AMPD1: variants seen among roughly 807,000 people sequenced by gnomAD.
The protein encoded by AMPD1 is AMP deaminase 1.
AMPD1 carries 74 observed loss-of-function variants against 82.9 expected under a neutral mutation model. The ratio of observed to expected loss-of-function variants is 0.89; its 90% confidence interval spans 0.74 to 1.08. The LOEUF (loss-of-function observed/expected upper bound fraction) is 1.08. Among genes scored for constraint, AMPD1 ranks in the 50% least tolerant of loss-of-function variants. AMPD1 has a pLI of 0.00. For missense variants in AMPD1, 881 were observed against 924.5 expected (o/e 0.95, Z 0.61); for synonymous variants, 333 against 320.5 (o/e 1.04, Z -0.42).
At chr1:114,694,384 C>T (rs867982442) in intron 1 of AMPD1, among the ~76,000 whole-genome samples, 1 of 151,874 alleles carries the variant, frequency 6.6e-6, no homozygotes, top group South Asian at 2.1e-4. Context: ...TAAGCCAAAA[C>T]ATTATCCTGC....
intron 2 of AMPD1, among the ~76,000 whole-genome samples, chr1:114,690,314 A>G (rs1450280714): frequency 6.6e-6 from 1 of 152,228 alleles, no homozygotes; most frequent in Non-Finnish European, 1.5e-5. Context: ...AAGACAAATA[A>G]AGCACCAGAT....
At chr1:114,686,632 G>A (rs1658325392) in intron 4 of AMPD1, 113 bp downstream of exon 4, 18 of 1,099,988 alleles carry the variant, frequency 1.6e-5, no homozygotes, top group Non-Finnish European at 2.5e-5. Context: ...GTGTAACAAA[G>A]GACAGGTGAG....
At chr1:114,678,148 T>A in intron 8 of AMPD1, 107 bp from the exon 9 acceptor site, 3 of 1,504,242 alleles carry the variant, frequency 2.0e-6, no homozygotes, top group East Asian at 2.3e-5. Context: ...GGGGAGGGCA[T>A]TGGGCTCCAA....
In AMPD1 at chr1:114,678,046, A is replaced by G. The variant is rs765669377; in HGVS notation, c.1093-5T>C. 11 of 1,613,888 alleles carry G rather than the reference A, an allele frequency of 6.8e-6. No individual in the cohort carries two copies. The Admixed American group carries it at 1.5e-4, about 22-fold the overall frequency. On this transcript the variant is annotated splice_region_variant and splice_polypyrimidine_tract_variant and intron_variant, in intron 8 of 15. Transcript: ENST00000520113. ...ACGCTGGAAGGTCTGGCGTCCCTGA[A>G]TCAGGAAAAAAGAGCAGAGATGTAT...
At chr1:114,686,090 T>C (rs886676955) in intron 4 of AMPD1, among the ~76,000 whole-genome samples, 2 of 152,222 alleles carry the variant, frequency 1.3e-5, no homozygotes, top group Admixed American at 1.3e-4. Context: ...GCAGGTCAAG[T>C]TGTTTGTGAC....
chr1:114,673,805 C>A, intron 14 of AMPD1, 56 bp from the exon 15 acceptor site: 2 of 1,576,812 alleles, frequency 1.3e-6, no homozygotes, highest in Non-Finnish European at 1.7e-6. Flanking sequence ...TAATATGCAT[C>A]CTGCCTGAAA....
chr1:114,677,374 C>T lies in AMPD1; in HGVS notation c.1365G>A (p.Trp455Ter), dbSNP rs1447749222. The T allele has an allele frequency of 5.0e-6, 8 of 1,610,144 alleles. No homozygotes were observed. The highest frequency in any genetic ancestry group is 6.8e-6 in the Non-Finnish European group (8 of 1,179,222). The change falls in exon 10 of 16, where the codon TGG (tryptophan) becomes TGA (stop). Residue 455 changes from tryptophan (W) to a stop codon, truncating the protein, a stop_gained. Coordinates refer to ENST00000520113, the MANE Select transcript of AMPD1 (RefSeq NM_000036.3). LOFTEE classifies it high-confidence loss of function. ...CNRIHCPNMTWMIQVPRIYDV... is the reference protein window; with the variant it reads ...CNRIHCPNMT ...ACTAGATCCTGGGAACCTGGATCATCCATGTCATGTTGGGGCAGTGGATGC... is the reference window on the plus strand; with the variant it reads ...ACTAGATCCTGGGAACCTGGATCATTCATGTCATGTTGGGGCAGTGGATGC...
At position 114,677,962 on chromosome 1, in the gene AMPD1, T is replaced by C. The variant is rs1439236581; in HGVS notation, c.1172A>G (p.Tyr391Cys). ...ATTAATGTAATTGTCTGTCTTCAAGTAGAGGTCCCGTAGCTCACTTGCTCC... is the reference window on the plus strand; with the variant it reads ...ATTAATGTAATTGTCTGTCTTCAAGCAGAGGTCCCGTAGCTCACTTGCTCC... Reference protein sequence around the residue: ...PVGASELRDLYLKTDNYINGE... With the variant: ...PVGASELRDLCLKTDNYINGE... Residue 391 changes from tyrosine to cysteine, a missense_variant, in exon 9 of 16, where the codon TAC (tyrosine) becomes TGC (cysteine). Physicochemically the swap from Tyr to Cys is radical, Grantham distance 194. This residue lies in a region of AMPD1 where 783 missense variants were observed against 786.4 expected (regional missense o/e 1.00). Coordinates refer to ENST00000520113, the MANE Select transcript of AMPD1 (RefSeq NM_000036.3). The C allele has an allele frequency of 6.2e-7, 1 of 1,613,974 alleles. No individual in the cohort carries two copies. Among genetic ancestry groups the C allele is most frequent in the South Asian group, 1.1e-5 (1 of 91,066 alleles).
chr1:114,678,396 T>C lies in AMPD1; in HGVS notation c.1029A>G (p.Glu343=). ...GATGCATTTTTAATTTAGCAAAAAG[T>C]TCCTTTAGGGTCAGATTCTTCTCTT... ...STKEKNLTLK[E]LFAKLKMHPY... is the part of the protein sequence containing the mutation. The change falls in exon 8 of 16, where the codon GAA becomes GAG. Residue 343 remains glutamate, a synonymous_variant. Coordinates refer to ENST00000520113, the MANE Select transcript of AMPD1 (RefSeq NM_000036.3). 1 of 1,614,190 alleles carries C rather than the reference T, an allele frequency of 6.2e-7. No homozygotes were observed.
intron 1 of AMPD1, 98 bp from the exon 2 acceptor site, chr1:114,693,545 G>A (rs1658583183): frequency 2.7e-6 from 3 of 1,101,050 alleles, no homozygotes; most frequent in African/African-American, 3.1e-5. Flanking sequence ...CATGTAGATT[G>A]CTGTTATTTC....
chr1:114,684,149 T>C (rs577863475), intron 5 of AMPD1, 50 bp downstream of exon 5: 23 of 1,544,598 alleles, frequency 1.5e-5, no homozygotes, highest in Admixed American at 5.1e-5. Context: ...ATTTAATATT[T>C]AGTAGTTTAA....
At chr1:114,681,789 G>A (rs1048132512) in intron 5 of AMPD1, among the ~76,000 whole-genome samples, 6 of 152,054 alleles carry the variant, frequency 3.9e-5, no homozygotes, top group African/African-American at 4.8e-5. Context: ...CAAAGCCTAT[G>A]GGTTTTGGCA....
chr1:114,677,287 A>C, intron 10 of AMPD1, 64 bp downstream of exon 10: 1 of 1,594,034 alleles, frequency 6.3e-7, no homozygotes, highest in Non-Finnish European at 8.6e-7. Flanking sequence ...CCTTGTTCAT[A>C]CAGGGGACTT....
At chr1:114,688,217 T>A (rs2101723630) in intron 3 of AMPD1, among the ~76,000 whole-genome samples, 1 of 152,196 alleles carries the variant, frequency 6.6e-6, no homozygotes, top group African/African-American at 2.4e-5. Context: ...AACCTCCACC[T>A]CCCAGGTTCA....
chr1:114,693,830 A>G (rs1658593501), intron 1 of AMPD1, among the ~76,000 whole-genome samples: 1 of 152,256 alleles, frequency 6.6e-6, no homozygotes, highest in African/African-American at 2.4e-5. Context: ...CTGAGAAGCT[A>G]TCCTACGGAA....
Position 114,688,705 on chromosome 1 carries a change from A to G in AMPD1, c.71T>C (p.Val24Ala), listed in dbSNP as rs1179266912. 2 of 1,614,200 alleles carry G rather than the reference A, an allele frequency of 1.2e-6. No homozygotes were observed. Among genetic ancestry groups the G allele is most frequent in the African/African-American group, 2.7e-5 (2 of 75,056 alleles). The change falls in exon 3 of 16, where the codon GTG becomes GCG. Residue 24 changes from valine to alanine, a missense_variant. By Grantham distance (64) the Val-to-Ala change is moderately conservative. Transcript: ENST00000520113. ...DDAMRNFAEK[V>A]FASEVKDEGG... is the part of the protein sequence containing the mutation. The stretch of plus-strand genomic sequence containing the variant: ...TTCATCTTTGACTTCAGAGGCAAAC[A>G]CTTTTTCAGCAAAGTTGCGCATTGC...
In AMPD1 at chr1:114,673,134, C is replaced by G; in HGVS notation, c.2224G>C (p.Gly742Arg). ...TTTTTTTATTCTGTTGATTTAAGAC[C>G]CTCAGCAATTAAATTGAGTTCATAA... Reference protein sequence around the residue: ...WCYELNLIAEGLKSTE With the variant: ...WCYELNLIAERLKSTE The change falls in exon 16 of 16, where the codon GGT becomes CGT. Residue 742 changes from glycine (G) to arginine (R), a missense_variant. Gly to Arg is a moderately radical substitution (Grantham distance 125, BLOSUM62 -2). Coordinates refer to ENST00000520113, the MANE Select transcript of AMPD1 (RefSeq NM_000036.3). The G allele has an allele frequency of 1.2e-6, 2 of 1,613,748 alleles. No homozygotes were observed. The highest frequency in any genetic ancestry group is 1.7e-5 in the Admixed American group (1 of 59,978).
chr1:114,689,774 A>C (rs529892942), intron 2 of AMPD1, among the ~76,000 whole-genome samples: 6 of 152,270 alleles, frequency 3.9e-5, no homozygotes, highest in African/African-American at 1.4e-4. Flanking sequence ...TTGAGACTGC[A>C]CCACTGCCCT....
At position 114,688,619 on chromosome 1, in the gene AMPD1, C is replaced by T. The variant is rs1214311723; in HGVS notation, c.157G>A (p.Glu53Lys). Residue 53 changes from glutamate to lysine, a missense_variant, in exon 3 of 16, where the codon GAG becomes AAG. Glu to Lys is a moderately conservative substitution (Grantham distance 56). This residue lies in a region of AMPD1 where 783 missense variants were observed against 786.4 expected (regional missense o/e 1.00). Transcript: ENST00000520113. ...VDEICPISHH[E>K]MQAHIFHLET... ...AGATGGAATATGTGTGCTTGCATCT[C>T]ATGATGAGAAATCGGACAGATCTCA... 5.6e-6 allele frequency: 9 copies of T among 1,614,076 alleles called. No homozygotes were observed. The East Asian group carries it at 6.7e-5, about 12-fold the overall frequency.
Sources: gnomAD v4.1 joint callset for allele counts (sites outside exome capture counted in the v4.1 genomes callset) on GRCh38, gnomAD v4.1.1 for gene constraint, gnomAD v4.1.1 regional missense constraint, MANE v1.5 for transcripts, NCBI Gene and HGNC (gene_info 2026-07-23, HGNC 2026-07-21) for gene names.